The following SYNE2 variants were observed in gnomAD, a reference collection of about 807,000 sequenced individuals.
SYNE2 encodes the protein spectrin repeat containing nuclear envelope protein 2.
Under a neutral mutation model 856.3 loss-of-function variants are expected in SYNE2, and 431 were observed. That is an observed-to-expected ratio of 0.50 (90% CI 0.47 to 0.55). The LOEUF is 0.55. Among genes scored for constraint, SYNE2 ranks in the 20% least tolerant of loss-of-function variants. The pLI is 0.00. For synonymous variants in SYNE2, 2,923 were observed against 2,872.3 expected (o/e 1.02, Z -0.56); for missense variants, 8,129 against 8,023.2 (o/e 1.01, Z -0.50).
chr14:64,119,855 A>G (rs1347314217), intron 67 of SYNE2, among the ~76,000 whole-genome samples: 1 of 152,164 alleles, frequency 6.6e-6, no homozygotes, highest in Non-Finnish European at 1.5e-5. Flanking sequence ...GGTTTAATGT[A>G]GCTGAGTGTT....
At chr14:63,863,209 A>G (rs1348401097) in intron 1 of SYNE2, among the ~76,000 whole-genome samples, 1 of 152,190 alleles carries the variant, frequency 6.6e-6, no homozygotes, top group Non-Finnish European at 1.5e-5. Context: ...TGCATAATAC[A>G]TTTTAAAAAT....
chr14:63,852,011 G>C (rs1180872969), upstream of SYNE2, among the ~76,000 whole-genome samples: 1 of 20,120 alleles, frequency 5.0e-5, no homozygotes. Context: ...TGGATGAAAT[G>C]GGGGGGGGGG....
rs898209839 is a variant in SYNE2 at position 64,000,637 on chromosome 14, G to T, written c.3556G>T (p.Asp1186Tyr). ...ATTGAAGTTAGAAAATCATGTGAAT[G>T]ACATAAAAAAGCCTTTTGTAATTAA... ...ISLKLENHVNDIKKPFVIKER... is the reference protein window; with the variant it reads ...ISLKLENHVNYIKKPFVIKER... The change falls in exon 28 of 116, where the codon GAC (aspartate) becomes TAC (tyrosine). Residue 1186 changes from aspartate to tyrosine, a missense_variant. Around this residue, in one of 3 missense-constraint regions of SYNE2, gnomAD observed 2,422 missense variants for 2,357.4 expected, o/e 1.03. Transcript: ENST00000555002. The T allele has an allele frequency of 2.5e-6, 4 of 1,613,212 alleles. No individual in the cohort carries two copies. The Admixed American group carries it at 5.0e-5, about 20-fold the overall frequency.
intron 1 of SYNE2, among the ~76,000 whole-genome samples, chr14:63,855,083 T>C (rs1171424278): frequency 6.6e-6 from 1 of 152,238 alleles, no homozygotes; most frequent in Admixed American, 6.5e-5. Flanking sequence ...AGTTACTCCT[T>C]ATAGAATGCT....
chr14:64,031,426 A>G lies in SYNE2; in HGVS notation c.7221+69A>G. The G allele has an allele frequency of 2.9e-6, 4 of 1,374,356 alleles. No homozygotes were observed. The Middle Eastern group carries it at 7.2e-4, about 247-fold the overall frequency. 85.1% of individuals were successfully genotyped at this position (1,374,356 alleles called of 1,614,324 possible). ...TGAAGAGGTATTTGGCTCTGAAAAGAGGGTCGTGAATCAAGCATTCTGATT... is the reference window on the plus strand; with the variant it reads ...TGAAGAGGTATTTGGCTCTGAAAAGGGGGTCGTGAATCAAGCATTCTGATT... On this transcript the variant is annotated intron_variant, in intron 45 of 115. Coordinates refer to ENST00000555002, the MANE Select transcript of SYNE2 (RefSeq NM_182914.3).
At chr14:64,197,250 G>A (rs1182815049) in intron 99 of SYNE2, 2 of 152,276 alleles carry the variant, frequency 1.3e-5, no homozygotes, top group African/African-American at 2.4e-5. Context: ...CTCAGCCATC[G>A]GGGGATGGGT....
At chr14:64,026,805 C>A (rs2096983272) in intron 42 of SYNE2, 75 bp downstream of exon 42, 2 of 1,517,258 alleles carry the variant, frequency 1.3e-6, no homozygotes, top group African/African-American at 2.8e-5. Context: ...TTTTGTCTGC[C>A]CCCTGGGTTT....
At chr14:64,175,233 A>G in intron 95 of SYNE2, 95 bp downstream of exon 95, 3 of 1,418,710 alleles carry the variant, frequency 2.1e-6, no homozygotes, top group South Asian at 2.4e-5. Context: ...TTAGGAAACT[A>G]TAGTATCATG....
chr14:64,027,658 A>T lies in SYNE2; in HGVS notation c.6579A>T (p.Gln2193His), dbSNP rs373963217. Residue 2193 changes from glutamine (Q) to histidine (H), a missense_variant, in exon 43 of 116, where the codon CAA (glutamine) becomes CAT (histidine). Physicochemically the swap from Gln to His is conservative, Grantham distance 24. Coordinates refer to ENST00000555002, the MANE Select transcript of SYNE2 (RefSeq NM_182914.3). ...KIYKKFLKKAQDLTSLLKELK... is the reference protein window; with the variant it reads ...KIYKKFLKKAHDLTSLLKELK... ...ATAAGAAATTCCTCAAGAAAGCCCA[A>T]GATTTGACATCCTTGCTAAAGGAGT... 7.7e-5 allele frequency: 124 copies of T among 1,614,052 alleles called. No individual in the cohort carries two copies. The highest frequency in any genetic ancestry group is 1.0e-4 in the Non-Finnish European group (118 of 1,180,022).
At chr14:63,981,941 C>T (rs935493693) in intron 16 of SYNE2, among the ~76,000 whole-genome samples, 9 of 152,274 alleles carry the variant, frequency 5.9e-5, no homozygotes, top group Middle Eastern at 3.4e-3. Context: ...TTCAAATCTT[C>T]GTCTTCCAAC....
chr14:63,887,495 G>A (rs1040383367), intron 1 of SYNE2, among the ~76,000 whole-genome samples: 2 of 152,130 alleles, frequency 1.3e-5, no homozygotes, highest in African/African-American at 4.8e-5. Flanking sequence ...TGTGGCTGTG[G>A]AAGAGAGAGC....
chr14:63,857,857 C>T (rs1380085504), intron 1 of SYNE2, among the ~76,000 whole-genome samples: 1 of 152,158 alleles, frequency 6.6e-6, no homozygotes, highest in Non-Finnish European at 1.5e-5. Context: ...GGATGCAAGT[C>T]ATTTGTCACG....
upstream of SYNE2, among the ~76,000 whole-genome samples, chr14:63,848,095 C>T (rs576234041): frequency 7.9e-5 from 12 of 152,270 alleles, no homozygotes; most frequent in Admixed American, 3.3e-4. Context: ...CCATGCTGTC[C>T]AGGATGGTCT....
At chr14:64,123,192 G>A (rs141909457) in intron 70 of SYNE2, among the ~76,000 whole-genome samples, 3 of 152,028 alleles carry the variant, frequency 2.0e-5, no homozygotes, top group Admixed American at 6.5e-5. Flanking sequence ...ATGTGCCAAC[G>A]CCTGTGCCGA....
intron 11 of SYNE2, among the ~76,000 whole-genome samples, chr14:63,971,362 C>T (rs1015380032): frequency 6.6e-6 from 1 of 151,994 alleles, no homozygotes; most frequent in Non-Finnish European, 1.5e-5. Context: ...GGTATCCACT[C>T]GCCTTGGCCT....
chr14:64,087,115 A>G (rs983827519), intron 57 of SYNE2, among the ~76,000 whole-genome samples: 1 of 150,032 alleles, frequency 6.7e-6, no homozygotes, highest in Non-Finnish European at 1.5e-5. Context: ...AAAAAAAAGC[A>G]TTGGTTTTAA....
At chr14:63,994,374 A>G (rs868039033) in intron 22 of SYNE2, among the ~76,000 whole-genome samples, 44 of 152,194 alleles carry the variant, frequency 2.9e-4, no homozygotes, top group African/African-American at 9.2e-4. Flanking sequence ...GTGTGTGTCT[A>G]TATATCTATG....
intron 76 of SYNE2, among the ~76,000 whole-genome samples, chr14:64,130,467 C>T (rs891199940): frequency 6.2e-4 from 95 of 152,288 alleles, no homozygotes; most frequent in African/African-American, 2.0e-3. Flanking sequence ...CTTACATTCA[C>T]AGAGCTTTCA....
At chr14:64,012,640 T>C (rs2096855579) in intron 32 of SYNE2, among the ~76,000 whole-genome samples, 1 of 152,256 alleles carries the variant, frequency 6.6e-6, no homozygotes, top group Non-Finnish European at 1.5e-5. Context: ...CAGCTTTCCT[T>C]ATTTTATTAA....
Sources: allele counts gnomAD v4.1 joint callset (sites outside exome capture counted in the v4.1 genomes callset), GRCh38; gene constraint gnomAD v4.1.1; regional missense constraint gnomAD v4.1.1; transcripts MANE v1.5; gene names NCBI Gene and HGNC (gene_info 2026-07-23, HGNC 2026-07-21).